The following CDK14 variants were observed in gnomAD, a reference collection of about 807,000 sequenced individuals.
CDK14 encodes cyclin-dependent kinase 14.
A neutral mutation model predicts 60.7 loss-of-function variants in CDK14; 34 were observed. The ratio of observed to expected loss-of-function variants is 0.56; its 90% CI spans 0.43 to 0.75. The LOEUF (loss-of-function observed/expected upper bound fraction) is 0.75. Among genes scored for constraint, CDK14 ranks in the 30% least tolerant of loss-of-function variants. The probability of loss-of-function intolerance (pLI) is 0.00; values close to 1 mark genes in which losing one functional copy is unlikely to be tolerated. For synonymous variants in CDK14, 197 were observed against 203.7 expected, an observed-to-expected ratio of 0.97 and a Z score of 0.28; for missense variants, 482 against 564.1, an observed-to-expected ratio of 0.85 and a Z score of 1.47.
intron 6 of CDK14, among the ~76,000 whole-genome samples, chr7:90,886,337 A>C (rs968205253): frequency 5.3e-5 from 8 of 152,186 alleles, no homozygotes; most frequent in African/African-American, 1.9e-4. Flanking sequence ...CAAGCCTACT[A>C]ATTTGTTTTG....
intron 4 of CDK14, among the ~76,000 whole-genome samples, chr7:90,781,042 C>G (rs1218844010): frequency 5.3e-5 from 8 of 151,870 alleles, no homozygotes; most frequent in Middle Eastern, 3.2e-3. Flanking sequence ...GTTCCTATTT[C>G]CCCACATCCT....
chr7:90,904,209 A>G (rs898093230), intron 7 of CDK14, among the ~76,000 whole-genome samples: 12 of 152,138 alleles, frequency 7.9e-5, no homozygotes, highest in South Asian at 4.1e-4. Context: ...CAAGGAAAAG[A>G]TTTTAAGAGT....
chr7:90,824,681 G>A (rs939056540), intron 5 of CDK14: 44 of 152,150 alleles, frequency 2.9e-4, no homozygotes, highest in African/African-American at 9.7e-4. Flanking sequence ...CTTAAACAGG[G>A]TAGAGAGATA....
chr7:90,771,852 C>T (rs1409029580), intron 4 of CDK14, among the ~76,000 whole-genome samples: 7 of 152,268 alleles, frequency 4.6e-5, no homozygotes, highest in South Asian at 2.1e-4. Flanking sequence ...GCTTGAAGGT[C>T]GAGTTTCACT....
At chr7:91,105,119 A>T (rs776341977) in intron 12 of CDK14, among the ~76,000 whole-genome samples, 2 of 152,216 alleles carry the variant, frequency 1.3e-5, no homozygotes, top group Non-Finnish European at 2.9e-5. Context: ...AGAAGAAAAT[A>T]AGTAAAATCT....
intron 4 of CDK14, among the ~76,000 whole-genome samples, chr7:90,769,293 C>T (rs1454648525): frequency 6.6e-6 from 1 of 152,068 alleles, no homozygotes; most frequent in African/African-American, 2.4e-5. Flanking sequence ...GAGCACATAT[C>T]TAACTGCTTT....
rs571764515 is a variant in CDK14, at chr7:90,742,643, C to T, written c.370-5038C>T. On this transcript the variant is annotated intron_variant, in intron 3 of 14. Transcript: ENST00000380050. Reference sequence around the variant, plus strand: ...TTTTCTAGCTGCCATTAAAAGTCTACGTCATACTGCTTTATTGTTTTCTAT... The same window carrying T: ...TTTTCTAGCTGCCATTAAAAGTCTATGTCATACTGCTTTATTGTTTTCTAT... 1.1e-4 allele frequency among the ~76,000 whole-genome samples: 17 copies of T among 152,030 alleles called. No individual in the cohort carries two copies. The East Asian group carries it at 1.2e-3, about 10-fold the overall frequency.
intron 4 of CDK14, among the ~76,000 whole-genome samples, chr7:90,789,429 T>C (rs997164079): frequency 9.9e-5 from 15 of 152,136 alleles, no homozygotes; most frequent in Admixed American, 6.5e-4. Flanking sequence ...TTAATACAGT[T>C]GTCTCTCCAT....
chr7:90,835,237 G>C (rs937118251), intron 5 of CDK14, among the ~76,000 whole-genome samples: 1 of 152,176 alleles, frequency 6.6e-6, no homozygotes, highest in Non-Finnish European at 1.5e-5. Flanking sequence ...AGAGGAATTT[G>C]TAAGGATTGG....
At chr7:91,087,415 C>T (rs1798671441) in intron 12 of CDK14, among the ~76,000 whole-genome samples, 2 of 152,052 alleles carry the variant, frequency 1.3e-5, no homozygotes, top group African/African-American at 4.8e-5. Flanking sequence ...CAATTAAATG[C>T]TTGGAGCCAG....
chr7:90,879,969 C>T (rs747705269), intron 6 of CDK14, among the ~76,000 whole-genome samples: 4 of 152,202 alleles, frequency 2.6e-5, no homozygotes, highest in African/African-American at 4.8e-5. Flanking sequence ...ACCCACCAAT[C>T]GGAAGATCCC....
intron 2 of CDK14, among the ~76,000 whole-genome samples, chr7:90,712,742 C>G (rs148765822): frequency 6.6e-6 from 1 of 152,012 alleles, no homozygotes; most frequent in Non-Finnish European, 1.5e-5. Context: ...TTGCTGATAG[C>G]AGCATTCAGC....
chr7:90,927,707 C>T (rs965360298), intron 8 of CDK14, among the ~76,000 whole-genome samples: 3 of 152,108 alleles, frequency 2.0e-5, no homozygotes, highest in African/African-American at 7.2e-5. Flanking sequence ...TTGCTCTTCT[C>T]GAGGAGTATC....
chr7:90,771,355 C>T (rs1032558313), intron 4 of CDK14, among the ~76,000 whole-genome samples: 3 of 152,170 alleles, frequency 2.0e-5, no homozygotes, highest in Admixed American at 2.0e-4. Flanking sequence ...CTTCTTTTCT[C>T]CCAGAGTTTG....
intron 12 of CDK14, among the ~76,000 whole-genome samples, chr7:91,080,353 C>G (rs73400909): frequency 6.6e-6 from 1 of 152,156 alleles, no homozygotes; most frequent in Non-Finnish European, 1.5e-5. Flanking sequence ...ATACAGTGGA[C>G]AGCTAATGGC....
At chr7:91,037,119 C>A (rs1008603925) in intron 10 of CDK14, among the ~76,000 whole-genome samples, 2 of 152,172 alleles carry the variant, frequency 1.3e-5, no homozygotes, top group Admixed American at 6.5e-5. Flanking sequence ...CCATCTTGAA[C>A]GATCAATTAA....
rs1157645081 is a variant in CDK14, at chr7:91,101,968, A to C, written c.1155-10574A>C. Among the ~76,000 whole-genome samples, 5 of 152,194 alleles carry C rather than the reference A, an allele frequency of 3.3e-5. No individual in the cohort carries two copies. In the South Asian group the frequency reaches 6.2e-4, roughly 19 times the overall value. ...TGAGCATTTGAGCATTTTGCTTTGGATGTGTAGACAAGAAGACTGCTGCAT... is the reference window on the plus strand; with the variant it reads ...TGAGCATTTGAGCATTTTGCTTTGGCTGTGTAGACAAGAAGACTGCTGCAT... On this transcript the variant is annotated intron_variant, in intron 12 of 14. Coordinates refer to ENST00000380050, the MANE Select transcript of CDK14 (RefSeq NM_001287135.2).
chr7:90,835,036 TAGG>T (rs1790044882), intron 5 of CDK14, among the ~76,000 whole-genome samples: 1 of 152,048 alleles, frequency 6.6e-6, no homozygotes, highest in African/African-American at 2.4e-5. Context: ...GTTTAGATGT[TAGG>T]AGGATGAGGC....
chr7:90,809,161 A>G (rs949919132), intron 5 of CDK14, among the ~76,000 whole-genome samples: 11 of 152,174 alleles, frequency 7.2e-5, no homozygotes, highest in East Asian at 5.8e-4. Context: ...AAATCAACAG[A>G]ATATACATTC....
Sources: gnomAD v4.1 joint callset for allele counts (sites outside exome capture counted in the v4.1 genomes callset) on GRCh38, gnomAD v4.1.1 for gene constraint, MANE v1.5 for transcripts, NCBI Gene and HGNC (gene_info 2026-07-23, HGNC 2026-07-21) for gene names.